Variants in ANXA8 observed in about 807,000 individuals in gnomAD.
ANXA8 encodes the protein annexin A8, also known as VAC-beta.
A neutral mutation model predicts 26.8 loss-of-function variants in ANXA8; 9 were observed. The ratio of observed to expected loss-of-function variants is 0.34; its 90% CI spans 0.20 to 0.59. The LOEUF (loss-of-function observed/expected upper bound fraction) is 0.59, where lower values mean the gene tolerates loss of function less well. Among genes scored for constraint, ANXA8 ranks in the 20% least tolerant of loss-of-function variants. ANXA8 has a pLI of 0.84. For synonymous variants in ANXA8, 39 were observed against 94.8 expected (o/e 0.41, Z 3.42); for missense variants, 83 against 238.5 (o/e 0.35, Z 4.29).
chr10:47,939,617 A>G, the ANXA8 span, among the ~76,000 whole-genome samples: 1 of 145,438 alleles, frequency 6.9e-6, no homozygotes, highest in Non-Finnish European at 1.5e-5. Context: ...TGTTCCACAC[A>G]TACCTCAAGT....
At chr10:47,684,736 C>T in the ANXA8 span, among the ~76,000 whole-genome samples, 1 of 151,404 alleles carries the variant, frequency 6.6e-6, no homozygotes, top group Non-Finnish European at 1.5e-5. Flanking sequence ...CAGGTGTGTG[C>T]CACCACTCCA....
chr10:47,671,872 T>A, the ANXA8 span, among the ~76,000 whole-genome samples: 1 of 144,998 alleles, frequency 6.9e-6, no homozygotes, highest in African/African-American at 2.5e-5. Context: ...GTTTTGCTTC[T>A]TTTTTTTTTT....
chr10:47,941,826 C>T, the ANXA8 span, among the ~76,000 whole-genome samples: 1 of 147,696 alleles, frequency 6.8e-6, no homozygotes, highest in Non-Finnish European at 1.5e-5. Flanking sequence ...AGCAGCACTA[C>T]TCAGAAGGAA....
the ANXA8 span, among the ~76,000 whole-genome samples, chr10:47,952,462 A>G: frequency 6.7e-6 from 1 of 150,104 alleles, no homozygotes; most frequent in Non-Finnish European, 1.5e-5. Flanking sequence ...GTTTTCCTAA[A>G]TTGTGGCAAT....
chr10:47,483,770 A>G (rs1839941496), intron 1 of ANXA8, 143 bp downstream of exon 1: 7 of 1,592,388 alleles, frequency 4.4e-6, no homozygotes, highest in African/African-American at 1.4e-5. Context: ...GCCCCTTCCC[A>G]CCCTCCATGC....
the ANXA8 span, among the ~76,000 whole-genome samples, chr10:47,677,200 A>C: frequency 6.6e-6 from 1 of 151,702 alleles, no homozygotes; most frequent in Non-Finnish European, 1.5e-5. Context: ...ACCATGAAAG[A>C]ACAAAAAGGA....
At chr10:47,744,797 CT>C in the ANXA8 span, among the ~76,000 whole-genome samples, 3 of 151,874 alleles carry the variant, frequency 2.0e-5, no homozygotes, top group African/African-American at 7.3e-5. Context: ...CTCCCTGCCC[CT>C]GGGATAAAAT....
At chr10:47,589,384 G>T in the ANXA8 span, 1 of 146,308 alleles carries the variant, frequency 6.8e-6, no homozygotes, top group Non-Finnish European at 1.5e-5. Flanking sequence ...ATTCTTTAAG[G>T]AGGGACCCAG....
chr10:47,907,048 C>G, the ANXA8 span, among the ~76,000 whole-genome samples: 3 of 150,862 alleles, frequency 2.0e-5, no homozygotes, highest in Non-Finnish European at 4.4e-5. Context: ...CCAGAAGGAA[C>G]TCAGTTCTTC....
the ANXA8 span, among the ~76,000 whole-genome samples, chr10:47,891,299 C>T: frequency 7.1e-6 from 1 of 141,636 alleles, no homozygotes; most frequent in African/African-American, 2.5e-5. Flanking sequence ...GACAACCAGT[C>T]AACATTTTGC....
chr10:47,501,481 A>G, the ANXA8 span, among the ~76,000 whole-genome samples: 252 of 137,302 alleles, frequency 1.8e-3, 12 homozygotes, highest in African/African-American at 6.3e-3. Context: ...AGGCCGAGGC[A>G]GGTGGATCAC....
chr10:47,743,376 A>ATG, the ANXA8 span, among the ~76,000 whole-genome samples: 1 of 41,104 alleles, frequency 2.4e-5, no homozygotes, highest in Non-Finnish European at 5.1e-5. Context: ...ATATACATAT[A>ATG]TATGTGTGTG....
At chr10:47,609,376 C>T in the ANXA8 span, among the ~76,000 whole-genome samples, 4 of 133,438 alleles carry the variant, frequency 3.0e-5, no homozygotes, top group African/African-American at 1.3e-4. Context: ...AAAGAGCTCA[C>T]GATGATTGAG....
chr10:47,511,044 C>G, the ANXA8 span, among the ~76,000 whole-genome samples: 1 of 126,000 alleles, frequency 7.9e-6, no homozygotes, highest in Non-Finnish European at 1.6e-5. Flanking sequence ...CCCGGGTTCA[C>G]GCCATTCTCC....
the ANXA8 span, among the ~76,000 whole-genome samples, chr10:47,699,293 A>G: frequency 1.5e-5 from 2 of 137,174 alleles, no homozygotes; most frequent in African/African-American, 5.5e-5. Context: ...GGTTGCAGTG[A>G]GCACCTGTAC....
At chr10:47,685,542 C>T in the ANXA8 span, among the ~76,000 whole-genome samples, 2 of 151,850 alleles carry the variant, frequency 1.3e-5, no homozygotes, top group East Asian at 3.9e-4. Context: ...TTTGATTCTA[C>T]TGTGATCCTA....
chr10:47,548,495 T>A, the ANXA8 span, among the ~76,000 whole-genome samples: 4 of 152,188 alleles, frequency 2.6e-5, no homozygotes, highest in African/African-American at 9.6e-5. Flanking sequence ...GAGACGGGGT[T>A]TCTGCATGTT....
At chr10:47,504,398 ACTT>A in the ANXA8 span, among the ~76,000 whole-genome samples, 241 of 128,796 alleles carry the variant, frequency 1.9e-3, 4 homozygotes, top group African/African-American at 6.7e-3. Context: ...GGGTTTCCTG[ACTT>A]CTTCTTTCTC....
Position 47,475,484 on chromosome 10 carries a change from C to T in ANXA8, c.492+9G>A. 1 of 1,500,450 alleles carries T rather than the reference C, an allele frequency of 6.7e-7. No homozygotes were observed. Among genetic ancestry groups the T allele is most frequent in the Non-Finnish European group, 9.3e-7 (1 of 1,079,938 alleles). 92.9% of individuals were successfully genotyped at this position (1,500,450 alleles called of 1,614,324 possible). ...ACCAAGGCACTCCCAAGAGCCTAGG[C>T]TGTGACACCTGCAGGAGGCACACCA... On this transcript the variant is annotated intron_variant, in intron 6 of 11. Coordinates refer to ENST00000585281, the MANE Select transcript of ANXA8 (RefSeq NM_001040084.3).
Sources: allele counts gnomAD v4.1 joint callset (sites outside exome capture counted in the v4.1 genomes callset), GRCh38; gene constraint gnomAD v4.1.1; transcripts MANE v1.5; gene names NCBI Gene and HGNC (gene_info 2026-07-23, HGNC 2026-07-21).